SLC24A1: variants seen among roughly 807,000 people sequenced by gnomAD.
SLC24A1 encodes sodium/potassium/calcium exchanger 1.
In SLC24A1, 52 loss-of-function variants were observed where a neutral mutation model predicts 88.1. The observed-to-expected ratio is 0.59, with a 90% CI of 0.47 to 0.74. The LOEUF (loss-of-function observed/expected upper bound fraction) is 0.74. Among genes scored for constraint, SLC24A1 ranks in the 30% least tolerant of loss-of-function variants. The pLI, the probability that SLC24A1 is intolerant of heterozygous loss-of-function variation, is 0.00. For missense variants in SLC24A1, 1,173 were observed against 1,363.3 expected, an observed-to-expected ratio of 0.86 and a Z score of 2.20; for synonymous variants, 455 against 498.0, an observed-to-expected ratio of 0.91 and a Z score of 1.15.
At position 65,624,589 on chromosome 15, in the gene SLC24A1, C is replaced by G. The variant is rs748124445; in HGVS notation, c.509C>G (p.Pro170Arg). ...ATAGTAAAAAAGTATACCCCAACAC[C>G]CAGGGGAGAAATGAAGAGCTACAGC... is the stretch of plus-strand genomic sequence containing the variant. ...RQIVKKYTPT[P>R]RGEMKSYSPT... The change falls in exon 2 of 10, where the codon CCC becomes CGC. Residue 170 changes from proline (P) to arginine (R), a missense_variant. By Grantham distance (103) the Pro-to-Arg change is moderately radical. Coordinates refer to ENST00000261892, the MANE Select transcript of SLC24A1 (RefSeq NM_004727.3). 1 of 1,594,464 alleles carries G rather than the reference C, an allele frequency of 6.3e-7. No homozygotes were observed. Among genetic ancestry groups the G allele is most frequent in the Admixed American group, 1.8e-5 (1 of 56,292 alleles).
At chr15:65,621,166 A>T (rs1310987309), upstream of SLC24A1, among the ~76,000 whole-genome samples, 2 of 152,234 alleles carry the variant, frequency 1.3e-5, no homozygotes, top group Non-Finnish European at 2.9e-5. Flanking sequence ...GGTACTCTGG[A>T]GGAAACAGGA....
chr15:65,643,085 G>T, intron 4 of SLC24A1: 1 of 1,211,150 alleles, frequency 8.3e-7, no homozygotes, highest in South Asian at 1.3e-5. Flanking sequence ...AAAAGTTATA[G>T]AGTGCTTTCT....
At chr15:65,627,577 AC>A (rs2141488407) in intron 2 of SLC24A1, among the ~76,000 whole-genome samples, 1 of 152,308 alleles carries the variant, frequency 6.6e-6, no homozygotes, top group African/African-American at 2.4e-5. Context: ...TTAGAGCATT[AC>A]AGAATTTAAT....
At chr15:65,630,573 T>A (rs1000374292) in intron 2 of SLC24A1, among the ~76,000 whole-genome samples, 1 of 152,090 alleles carries the variant, frequency 6.6e-6, no homozygotes, top group Non-Finnish European at 1.5e-5. Flanking sequence ...GGCTGAGGGG[T>A]TCCCTTCTTC....
chr15:65,629,766 A>G (rs2074646642), intron 2 of SLC24A1, among the ~76,000 whole-genome samples: 1 of 152,230 alleles, frequency 6.6e-6, no homozygotes, highest in Non-Finnish European at 1.5e-5. Flanking sequence ...AGGAAGCACC[A>G]GCCATCTACA....
rs1193211342 is a variant in SLC24A1 at position 65,625,033 on chromosome 15, C to T, written c.953C>T (p.Thr318Ile). Residue 318 changes from threonine to isoleucine, a missense_variant, in exon 2 of 10, where the codon ACC becomes ATC. Thr to Ile is a moderately conservative substitution (Grantham distance 89). Coordinates refer to ENST00000261892, the MANE Select transcript of SLC24A1 (RefSeq NM_004727.3). ...ACAGTCCTGTTGCATACCCCAGCCACCTCTGAGGGGCAGGTGACAATAAGC... is the reference window on the plus strand; with the variant it reads ...ACAGTCCTGTTGCATACCCCAGCCATCTCTGAGGGGCAGGTGACAATAAGC... ...QGTVLLHTPA[T>I]SEGQVTISTM... is the part of the protein sequence containing the mutation. 6.2e-7 allele frequency: 1 copy of T among 1,613,630 alleles called. No homozygotes were observed. Among genetic ancestry groups the T allele is most frequent in the Non-Finnish European group, 8.5e-7 (1 of 1,179,738 alleles).
intron 4 of SLC24A1, chr15:65,642,787 G>A (rs940823008): frequency 2.9e-6 from 1 of 344,594 alleles, no homozygotes; most frequent in Non-Finnish European, 5.7e-6. Flanking sequence ...GAGAGTTTAG[G>A]AGACAGGTAG....
chr15:65,656,647 G>T (rs531260560), downstream of SLC24A1, among the ~76,000 whole-genome samples: 1 of 152,276 alleles, frequency 6.6e-6, no homozygotes, highest in South Asian at 2.1e-4. Flanking sequence ...CATTCATTCA[G>T]CCTGGAAAGT....
chr15:65,626,490 G>A (rs1346223413), intron 2 of SLC24A1, among the ~76,000 whole-genome samples: 1 of 152,164 alleles, frequency 6.6e-6, no homozygotes, highest in African/African-American at 2.4e-5. Context: ...TGGCTTGGAT[G>A]GCGTCTGAGA....
intron 5 of SLC24A1, 90 bp from the exon 6 acceptor site, chr15:65,645,522 A>T: frequency 1.1e-6 from 1 of 934,384 alleles, no homozygotes. Context: ...GAAGTCCAAT[A>T]GCCCTGTAGC....
At position 65,644,545 on chromosome 15, in the gene SLC24A1, C is replaced by T. The variant is rs62014370; in HGVS notation, c.2140+32C>T. 0.06 allele frequency: 87,963 copies of T among 1,455,548 alleles called. 2,901 individuals are homozygous for T. The highest frequency in any genetic ancestry group is 0.093 in the African/African-American group (6,623 of 71,408). 90.2% of individuals were successfully genotyped at this position (1,455,548 alleles called of 1,614,324 possible). A position where few individuals can be genotyped will look rare whatever the true frequency, so the allele number is the denominator to read the frequency against. Reference sequence around the variant, plus strand: ...GGATGGCCAGACCAGTGGGTTTTCTCCTGCCCCCCTCTCCCTGCTGTCAGT... The same window carrying T: ...GGATGGCCAGACCAGTGGGTTTTCTTCTGCCCCCCTCTCCCTGCTGTCAGT... On this transcript the variant is annotated intron_variant, in intron 5 of 9. Coordinates refer to ENST00000261892, the MANE Select transcript of SLC24A1 (RefSeq NM_004727.3).
chr15:65,658,446 A>G (rs941174376), downstream of SLC24A1: 1 of 152,244 alleles, frequency 6.6e-6, no homozygotes, highest in Non-Finnish European at 1.5e-5. Flanking sequence ...TTCTAGTGAG[A>G]GAAATAAAAA....
At chr15:65,648,637 A>G (rs564288503) in intron 6 of SLC24A1, among the ~76,000 whole-genome samples, 23 of 152,058 alleles carry the variant, frequency 1.5e-4, no homozygotes, top group African/African-American at 5.5e-4. Flanking sequence ...ACTTACAGGC[A>G]TGCACCACCA....
intron 5 of SLC24A1, among the ~76,000 whole-genome samples, chr15:65,645,296 G>T (rs1281700512): frequency 6.6e-6 from 1 of 152,202 alleles, no homozygotes; most frequent in Non-Finnish European, 1.5e-5. Context: ...TCTGAGTGCT[G>T]GGAGCTTTGC....
intron 7 of SLC24A1, 70 bp downstream of exon 7, chr15:65,651,012 G>A: frequency 7.4e-7 from 1 of 1,355,014 alleles, no homozygotes; most frequent in Admixed American, 1.7e-5. Flanking sequence ...GGCATGCGGG[G>A]CTCACACTCA....
chr15:65,649,658 G>T (rs998150941), intron 6 of SLC24A1, among the ~76,000 whole-genome samples: 1 of 152,006 alleles, frequency 6.6e-6, no homozygotes, highest in African/African-American at 2.4e-5. Flanking sequence ...CACCGTAAGT[G>T]CTAGCTATTA....
chr15:65,643,193 G>C (rs1272113303), intron 4 of SLC24A1, among the ~76,000 whole-genome samples: 2 of 152,220 alleles, frequency 1.3e-5, no homozygotes, highest in Non-Finnish European at 2.9e-5. Context: ...GAAGTACAGA[G>C]AGCTTAAGGA....
rs1463350443 is a variant in SLC24A1, at chr15:65,656,246, A to G, written c.*2167A>G. On this transcript the variant is annotated 3_prime_UTR_variant, in exon 10 of 10. Transcript: ENST00000261892. The stretch of plus-strand genomic sequence containing the variant: ...AATATCCACTGAATGATTAAAACCA[A>G]CTCTAATAATCTGACATCCTTTTCC... The G allele has an allele frequency of 1.0e-6, 1 of 985,082 alleles. No individual in the cohort carries two copies. The highest frequency in any genetic ancestry group is 1.7e-5 in the African/African-American group (1 of 57,334). The allele number at this position is 985,082 out of a possible 1,614,324, so 61.0% of individuals were successfully genotyped here. A position where few individuals can be genotyped will look rare whatever the true frequency, so the allele number is the denominator to read the frequency against.
chr15:65,647,498 AAG>A (rs1403153710), intron 6 of SLC24A1, among the ~76,000 whole-genome samples: 4 of 147,098 alleles, frequency 2.7e-5, no homozygotes, highest in Non-Finnish European at 4.5e-5. Flanking sequence ...AAAAAAAAAA[AAG>A]AGAGAGACAG....
Sources: allele counts gnomAD v4.1 joint callset (sites outside exome capture counted in the v4.1 genomes callset), GRCh38; gene constraint gnomAD v4.1.1; transcripts MANE v1.5; gene names NCBI Gene and HGNC (gene_info 2026-07-23, HGNC 2026-07-21).